MED23: variants seen among roughly 807,000 people sequenced by gnomAD.
MED23 encodes the protein mediator of RNA polymerase II transcription subunit 23.
A neutral mutation model predicts 163.9 loss-of-function variants in MED23; 105 were observed. That is an observed-to-expected ratio of 0.64 (90% CI 0.55 to 0.75). The LOEUF (loss-of-function observed/expected upper bound fraction) is 0.75. Among genes scored for constraint, MED23 ranks in the 30% least tolerant of loss-of-function variants. The pLI is 0.00. For missense variants in MED23, 1,054 were observed against 1,649.0 expected (o/e 0.64, Z 6.25); for synonymous variants, 561 against 565.6 (o/e 0.99, Z 0.12).
At chr6:131,608,299 C>T (rs1776005052) in intron 11 of MED23, among the ~76,000 whole-genome samples, 1 of 151,600 alleles carries the variant, frequency 6.6e-6, no homozygotes, top group Non-Finnish European at 1.5e-5. Context: ...TTTCCTGCTC[C>T]CCAAAACAAC....
In MED23 at chr6:131,581,235, A is replaced by G. The variant is rs1773905930; in HGVS notation, c.4095+6474T>C. On this transcript the variant is annotated intron_variant, in intron 30 of 30. Coordinates refer to the MED23 transcript ENST00000354577. ...CCCCAAAAGTTTGGCAATTGGAAGC[A>G]TCTCTGGCCATGCCAGGGTCCACCC... 1 of 1,613,782 alleles carries G rather than the reference A, an allele frequency of 6.2e-7. No individual in the cohort carries two copies. Among genetic ancestry groups the G allele is most frequent in the Non-Finnish European group, 8.5e-7 (1 of 1,179,812 alleles).
intron 13 of MED23, among the ~76,000 whole-genome samples, 188 bp downstream of exon 13, chr6:131,606,291 T>G (rs1450149366): frequency 6.6e-6 from 1 of 151,912 alleles, no homozygotes; most frequent in African/African-American, 2.4e-5. Context: ...AGACTAACCT[T>G]GTAGCTGTTT....
intron 28 of MED23, among the ~76,000 whole-genome samples, chr6:131,588,712 A>G (rs758270263): frequency 5.9e-5 from 9 of 151,996 alleles, no homozygotes; most frequent in Non-Finnish European, 1.2e-4. Flanking sequence ...AACTTTCCCT[A>G]TCTGTCCTAC....
chr6:131,612,206 TAA>T (rs1022127312), intron 10 of MED23, among the ~76,000 whole-genome samples: 1 of 151,724 alleles, frequency 6.6e-6, no homozygotes, highest in African/African-American at 2.4e-5. Context: ...TGTTTTTGGT[TAA>T]AACCAAGGAT....
At chr6:131,628,248 G>A (rs1336039116), upstream of MED23, 2 of 624,222 alleles carry the variant, frequency 3.2e-6, no homozygotes, top group Non-Finnish European at 2.8e-6. Context: ...AAGACGGGAA[G>A]GGCCCGGTAC....
chr6:131,620,529 G>C, intron 7 of MED23, 99 bp downstream of exon 7: 1 of 794,132 alleles, frequency 1.3e-6, no homozygotes, highest in Non-Finnish European at 2.2e-6. Flanking sequence ...TTGAACTCTT[G>C]TCCTCAAATC....
intron 5 of MED23, among the ~76,000 whole-genome samples, chr6:131,623,049 G>T (rs1471816659): frequency 6.6e-6 from 1 of 152,182 alleles, no homozygotes; most frequent in Non-Finnish European, 1.5e-5. Context: ...CCCCTGCTCT[G>T]TGCTTTCATT....
downstream of MED23, chr6:131,583,780 T>C (rs763302987): frequency 6.2e-7 from 1 of 1,614,068 alleles, no homozygotes; most frequent in Non-Finnish European, 8.5e-7. Context: ...AGTGAACCCA[T>C]CCCTGGGGAA....
chr6:131,602,646 T>TA lies in MED23; in HGVS notation c.1932-266_1932-265insT, dbSNP rs1775571002. ...AAATTTCACCTGGAGATACTGCATT[T>TA]CAAAAATTATATTTTTCTATCTAAA... On this transcript the variant is annotated intron_variant, in intron 16 of 28. Transcript: ENST00000368068. Among the ~76,000 whole-genome samples, 3 of 152,156 alleles carry TA rather than the reference T, an allele frequency of 2.0e-5. No homozygotes were observed. In the East Asian group the frequency reaches 5.8e-4, roughly 29 times the overall value.
chr6:131,603,856 A>C (rs1775667863), intron 15 of MED23, among the ~76,000 whole-genome samples: 1 of 152,212 alleles, frequency 6.6e-6, no homozygotes, highest in African/African-American at 2.4e-5. Flanking sequence ...TGCCTCAGGC[A>C]GAATCCATTT....
chr6:131,622,979 G>C (rs1777220074), intron 5 of MED23, among the ~76,000 whole-genome samples: 1 of 152,230 alleles, frequency 6.6e-6, no homozygotes, highest in Non-Finnish European at 1.5e-5. Flanking sequence ...TTCAAGAGAA[G>C]TGAAGCCAGG....
At chr6:131,579,046 C>T in intron 30 of MED23, 1 of 1,552,634 alleles carries the variant, frequency 6.4e-7, no homozygotes, top group Non-Finnish European at 8.8e-7. Context: ...CAATTGAGAT[C>T]ATCCTACACA....
downstream of MED23, among the ~76,000 whole-genome samples, chr6:131,586,269 A>G (rs1217230172): frequency 4.6e-5 from 7 of 152,032 alleles, no homozygotes; most frequent in Admixed American, 2.0e-4. Context: ...GCGTGGTGGC[A>G]GGCGCCTGTA....
chr6:131,583,368 A>T (rs1400801659), downstream of MED23: 1 of 1,614,192 alleles, frequency 6.2e-7, no homozygotes, highest in African/African-American at 1.3e-5. Flanking sequence ...GAAAAGGCCA[A>T]TTCATCTAAG....
intron 1 of MED23, 115 bp downstream of exon 1, chr6:131,627,896 G>T: frequency 7.3e-7 from 1 of 1,363,914 alleles, no homozygotes; most frequent in Non-Finnish European, 1.0e-6. Flanking sequence ...GTCAAAACAA[G>T]GGAATAAAAA....
intron 5 of MED23, among the ~76,000 whole-genome samples, chr6:131,622,963 C>CCCA (rs1457727715): frequency 6.6e-6 from 1 of 152,166 alleles, no homozygotes; most frequent in Non-Finnish European, 1.5e-5. Flanking sequence ...TGAGGTAAGA[C>CCCA]CCACGTTCAA....
At position 131,598,542 on chromosome 6, in the gene MED23, G is replaced by C; in HGVS notation, c.2426+14C>G. The C allele has an allele frequency of 6.2e-7, 1 of 1,613,844 alleles. No homozygotes were observed. Among genetic ancestry groups the C allele is most frequent in the Non-Finnish European group, 8.5e-7 (1 of 1,179,820 alleles). ...AATTTGCCAAATGGAATGCAAATTA[G>C]GTTTTTGACTTACCTATAGCCAATC... On this transcript the variant is annotated intron_variant, in intron 19 of 28. Coordinates refer to ENST00000368068, the MANE Select transcript of MED23 (RefSeq NM_004830.4). The surrounding 1 kb of genome is among the most constrained non-coding windows in gnomAD (Gnocchi z 4.7).
intron 7 of MED23, 56 bp downstream of exon 7, chr6:131,620,572 A>G: frequency 8.4e-7 from 1 of 1,188,966 alleles, no homozygotes; most frequent in Non-Finnish European, 1.2e-6. Context: ...AAGTGCTGTG[A>G]GCCACGAAGC....
intron 9 of MED23, among the ~76,000 whole-genome samples, chr6:131,617,165 T>C (rs573323515): frequency 1.3e-5 from 2 of 151,046 alleles, no homozygotes; most frequent in East Asian, 3.9e-4. Flanking sequence ...AACTCTTCCA[T>C]GATGCTAGAT....
Sources: allele counts gnomAD v4.1 joint callset (sites outside exome capture counted in the v4.1 genomes callset), GRCh38; gene constraint gnomAD v4.1.1; non-coding constraint Gnocchi (gnomAD v3.1); transcripts MANE v1.5; gene names NCBI Gene and HGNC (gene_info 2026-07-23, HGNC 2026-07-21).